Variants in TRNAU1AP observed in about 807,000 individuals in gnomAD.
TRNAU1AP encodes the protein tRNA selenocysteine 1-associated protein 1.
Under a neutral mutation model 43.3 loss-of-function variants are expected in TRNAU1AP, and 33 were observed. The observed-to-expected ratio is 0.76, with a 90% confidence interval of 0.58 to 1.02. The LOEUF is 1.02. TRNAU1AP is among the 50% of genes least tolerant of loss of function. The pLI is 0.00. For synonymous variants in TRNAU1AP, 143 were observed against 129.1 expected, an observed-to-expected ratio of 1.11 and a Z score of -0.73; for missense variants, 290 against 362.7, an observed-to-expected ratio of 0.80 and a Z score of 1.63.
Position 28,564,686 on chromosome 1 carries a change from T to C in TRNAU1AP, c.279-17T>C, listed in dbSNP as rs371903647. ...TTTTGGTCTTTGCCTCTGAATCTTC[T>C]TGTTCTCTCTCCTCAGCCCTGAGTA... On this transcript the variant is annotated splice_polypyrimidine_tract_variant and intron_variant, in intron 4 of 8. Coordinates refer to ENST00000373830, the MANE Select transcript of TRNAU1AP (RefSeq NM_017846.5). 5.5e-5 allele frequency: 88 copies of C among 1,606,222 alleles called. No homozygotes were observed. The highest frequency in any genetic ancestry group is 7.0e-5 in the Non-Finnish European group (82 of 1,176,648).
intron 1 of TRNAU1AP, 28 bp downstream of exon 1, chr1:28,553,165 GA>G (rs1665173566): frequency 2.0e-6 from 3 of 1,484,218 alleles, no homozygotes. Flanking sequence ...TCCGGGGTCT[GA>G]AGACAAGGAA....
intron 5 of TRNAU1AP, chr1:28,565,498 A>G (rs1308737589): frequency 6.6e-6 from 1 of 152,212 alleles, no homozygotes; most frequent in Non-Finnish European, 1.5e-5. Context: ...AAAAAAAAAA[A>G]AAAAGTTGGC....
At position 28,553,099 on chromosome 1, in the gene TRNAU1AP, C is replaced by A. The variant is rs769211963; in HGVS notation, c.-12C>A. 4 of 1,524,738 alleles carry A rather than the reference C, an allele frequency of 2.6e-6. No homozygotes were observed. In the South Asian group the frequency reaches 4.9e-5, roughly 19 times the overall value. The allele number at this position is 1,524,738 out of a possible 1,614,324, so 94.5% of individuals were successfully genotyped here. On this transcript the variant is annotated 5_prime_UTR_variant, in exon 1 of 9. Coordinates refer to ENST00000373830, the MANE Select transcript of TRNAU1AP (RefSeq NM_017846.5). Reference sequence around the variant, plus strand: ...GAGCCCCGCCCGCAAAGCCCCACCCCGGTGCGCGGGTATGGCGGCCAGCCT... The same window carrying A: ...GAGCCCCGCCCGCAAAGCCCCACCCAGGTGCGCGGGTATGGCGGCCAGCCT...
Position 28,571,223 on chromosome 1 carries a change from A to G in TRNAU1AP, c.578A>G (p.Tyr193Cys). The change falls in exon 7 of 9, where the codon TAC (tyrosine) becomes TGC (cysteine). Residue 193 changes from tyrosine to cysteine, a missense_variant. Tyr to Cys is a radical substitution (Grantham distance 194). Coordinates refer to ENST00000373830, the MANE Select transcript of TRNAU1AP (RefSeq NM_017846.5). ...VEYSQMYSYS[Y>C]NQYYQQYQNY... ...TATAGTCAGATGTACAGTTATAGCTACAACCAGTATTATCAGCAGTACCAG... is the reference window on the plus strand; with the variant it reads ...TATAGTCAGATGTACAGTTATAGCTGCAACCAGTATTATCAGCAGTACCAG... 1 of 1,614,142 alleles carries G rather than the reference A, an allele frequency of 6.2e-7. No homozygotes were observed. Among genetic ancestry groups the G allele is most frequent in the Non-Finnish European group, 8.5e-7 (1 of 1,179,988 alleles).
chr1:28,555,917 G>C (rs990051156), intron 2 of TRNAU1AP, among the ~76,000 whole-genome samples: 2 of 149,198 alleles, frequency 1.3e-5, no homozygotes, highest in African/African-American at 5.0e-5. Flanking sequence ...GCAGTGGCAC[G>C]ATCTCGGCTC....
intron 2 of TRNAU1AP, among the ~76,000 whole-genome samples, chr1:28,556,147 C>T (rs542021401): frequency 5.0e-4 from 76 of 152,070 alleles, no homozygotes; most frequent in Middle Eastern, 3.4e-3. Flanking sequence ...CCACCGCGCC[C>T]GGCCCCTTTC....
intron 8 of TRNAU1AP, among the ~76,000 whole-genome samples, chr1:28,573,722 G>A (rs1170915112): frequency 6.6e-6 from 1 of 150,510 alleles, no homozygotes; most frequent in Admixed American, 6.6e-5. Flanking sequence ...GCAGTGAGTC[G>A]AGATCATACC....
chr1:28,561,954 C>T (rs941897800), intron 4 of TRNAU1AP, among the ~76,000 whole-genome samples: 2 of 151,440 alleles, frequency 1.3e-5, no homozygotes, highest in Non-Finnish European at 2.9e-5. Flanking sequence ...CGCCTGTAGT[C>T]CCAGCTACTC....
chr1:28,573,369 G>A (rs1484102348), intron 8 of TRNAU1AP, among the ~76,000 whole-genome samples: 3 of 150,614 alleles, frequency 2.0e-5, no homozygotes, highest in African/African-American at 4.9e-5. Flanking sequence ...AGCCTTGCAC[G>A]GTGGCTCACC....
intron 2 of TRNAU1AP, among the ~76,000 whole-genome samples, chr1:28,559,626 C>T (rs1482848610): frequency 1.3e-5 from 2 of 151,902 alleles, no homozygotes; most frequent in Admixed American, 1.3e-4. Context: ...CGTCATTGCA[C>T]TCCAGCCTGG....
At chr1:28,572,308 C>T (rs988775684) in intron 8 of TRNAU1AP, among the ~76,000 whole-genome samples, 4 of 152,122 alleles carry the variant, frequency 2.6e-5, no homozygotes, top group Non-Finnish European at 5.9e-5. Flanking sequence ...ATTCTCCTGC[C>T]TCAGCCTCCC....
chr1:28,570,367 CTTCACAA>C (rs1338864281), intron 6 of TRNAU1AP, among the ~76,000 whole-genome samples: 2 of 152,004 alleles, frequency 1.3e-5, no homozygotes, highest in African/African-American at 4.8e-5. Flanking sequence ...CCTGCCTCAG[CTTCACAA>C]GCAGCTGGGA....
chr1:28,577,728 T>TAAGA lies in TRNAU1AP; in HGVS notation c.*93_*96dup, dbSNP rs1048663506. The TAAGA allele has an allele frequency of 1.5e-6, 2 of 1,348,042 alleles. No homozygotes were observed. The highest frequency in any genetic ancestry group is 1.4e-5 in the South Asian group (1 of 71,324). The allele number at this position is 1,348,042 out of a possible 1,614,324, so 83.5% of individuals were successfully genotyped here. On this transcript the variant is annotated 3_prime_UTR_variant, in exon 9 of 9. Coordinates refer to ENST00000373830, the MANE Select transcript of TRNAU1AP (RefSeq NM_017846.5). The stretch of plus-strand genomic sequence containing the variant: ...GAAACCTTTTTGGAAATATGATTTG[T>TAAGA]AAGATTTTAATAATGACTGTTTTTG...
chr1:28,560,425 G>A (rs1665380078), intron 2 of TRNAU1AP, among the ~76,000 whole-genome samples: 1 of 152,020 alleles, frequency 6.6e-6, no homozygotes, highest in Non-Finnish European at 1.5e-5. Flanking sequence ...GGGACTACAG[G>A]TGTGCGCCGC....
intron 1 of TRNAU1AP, 48 bp from the exon 2 acceptor site, chr1:28,553,592 G>A: frequency 6.3e-7 from 1 of 1,582,240 alleles, no homozygotes; most frequent in Non-Finnish European, 8.7e-7. Context: ...ACCCGGAGTG[G>A]GAAGCCCGGC....
intron 2 of TRNAU1AP, among the ~76,000 whole-genome samples, chr1:28,554,743 C>T (rs1009630106): frequency 6.6e-6 from 1 of 151,192 alleles, no homozygotes; most frequent in Non-Finnish European, 1.5e-5. Flanking sequence ...ACTTGGGGGG[C>T]TGAGGCAGGA....
At position 28,561,177 on chromosome 1, in the gene TRNAU1AP, C is replaced by T. The variant is rs916898264; in HGVS notation, c.226-169C>T. On this transcript the variant is annotated intron_variant, in intron 3 of 8. Transcript: ENST00000373830. ...TCATAGAACCATGGAGCTGGCAGTG[C>T]CCTTAGCGGTCATCCGTGCAACCCC... is the stretch of plus-strand genomic sequence containing the variant. 20 of 1,443,626 alleles carry T rather than the reference C, an allele frequency of 1.4e-5. No individual in the cohort carries two copies. The African/African-American group carries it at 2.0e-4, about 14-fold the overall frequency. 89.4% of individuals were successfully genotyped at this position (1,443,626 alleles called of 1,614,324 possible).
rs778970445 is a variant in TRNAU1AP, at chr1:28,577,662, CATG to C, written c.*30_*32del. 8.1e-6 allele frequency: 13 copies of C among 1,601,760 alleles called. No individual in the cohort carries two copies. The highest frequency in any genetic ancestry group is 2.2e-5 in the East Asian group (1 of 44,592). On this transcript the variant is annotated 3_prime_UTR_variant, in exon 9 of 9. Transcript: ENST00000373830. ...CCAGGCCAAAGGACAAGCCAGGTTG[CATG>C]ATGTGAGGGAGATGAGAGACTCCTT... is the stretch of plus-strand genomic sequence containing the variant.
intron 6 of TRNAU1AP, among the ~76,000 whole-genome samples, chr1:28,570,395 G>A (rs1230796298): frequency 1.3e-5 from 2 of 151,864 alleles, no homozygotes; most frequent in Non-Finnish European, 2.9e-5. Context: ...TTGCGGGCGC[G>A]CCATCCCACC....
Sources: allele counts gnomAD v4.1 joint callset (sites outside exome capture counted in the v4.1 genomes callset), GRCh38; gene constraint gnomAD v4.1.1; transcripts MANE v1.5; gene names NCBI Gene and HGNC (gene_info 2026-07-23, HGNC 2026-07-21).